The following TMEM71 variants were observed in gnomAD, a reference collection of about 807,000 sequenced individuals.
TMEM71 encodes the protein transmembrane protein 71.
In TMEM71, 44 loss-of-function variants were observed where a neutral mutation model predicts 38.0. The ratio of observed to expected loss-of-function variants is 1.16; its 90% CI spans 0.91 to 1.49. The LOEUF (loss-of-function observed/expected upper bound fraction) is 1.49. Ranked by LOEUF, TMEM71 falls within the 40% of genes most tolerant of loss-of-function variation. The probability of loss-of-function intolerance (pLI) is 0.00; values close to 1 mark genes in which losing one functional copy is unlikely to be tolerated. For synonymous variants in TMEM71, 133 were observed against 122.5 expected, an observed-to-expected ratio of 1.09 and a Z score of -0.56; for missense variants, 367 against 348.6, an observed-to-expected ratio of 1.05 and a Z score of -0.42.
intron 6 of TMEM71, among the ~76,000 whole-genome samples, chr8:132,726,765 T>C (rs1827163706): frequency 1.3e-5 from 2 of 152,158 alleles, no homozygotes; most frequent in African/African-American, 4.8e-5. Flanking sequence ...TGCCAGAAAA[T>C]ACCAATGCCT....
intron 5 of TMEM71, among the ~76,000 whole-genome samples, chr8:132,734,174 ACG>A (rs1827617158): frequency 1.3e-5 from 2 of 151,818 alleles, no homozygotes; most frequent in African/African-American, 4.9e-5. Flanking sequence ...ACACACACAC[ACG>A]CATACACATA....
chr8:132,768,492 A>G, the TMEM71 span, among the ~76,000 whole-genome samples: 43,808 of 152,036 alleles, frequency 0.29, 7,248 homozygotes, highest in South Asian at 0.46. Flanking sequence ...CTGTCCCTCA[A>G]AAATGCTATA....
intron 5 of TMEM71, among the ~76,000 whole-genome samples, chr8:132,731,790 C>A (rs1827469976): frequency 6.6e-6 from 1 of 152,200 alleles, no homozygotes; most frequent in Non-Finnish European, 1.5e-5. Context: ...TCAAGGGGAA[C>A]AAGCAGGGGA....
chr8:132,773,255 C>A, the TMEM71 span, among the ~76,000 whole-genome samples: 1 of 152,168 alleles, frequency 6.6e-6, no homozygotes, highest in Admixed American at 6.5e-5. Context: ...ATACCATCCT[C>A]CATTTCCAAA....
chr8:132,755,871 G>A (rs1398696261), intron 3 of TMEM71, among the ~76,000 whole-genome samples: 2 of 151,980 alleles, frequency 1.3e-5, no homozygotes, highest in East Asian at 1.9e-4. Context: ...TCATCATATA[G>A]CAGGAAAAAA....
intron 5 of TMEM71, among the ~76,000 whole-genome samples, chr8:132,741,551 G>A (rs1052021226): frequency 1.0e-4 from 15 of 146,268 alleles, no homozygotes; most frequent in African/African-American, 3.8e-4. Context: ...GTAAGGTCAC[G>A]TGGGTCACGT....
At chr8:132,756,930 A>T (rs192307322) in intron 3 of TMEM71, among the ~76,000 whole-genome samples, 1 of 151,756 alleles carries the variant, frequency 6.6e-6, no homozygotes, top group Non-Finnish European at 1.5e-5. Flanking sequence ...TCTGTCGCCC[A>T]GGTTGGAGGG....
chr8:132,710,826 A>T lies in TMEM71; in HGVS notation c.*141T>A. The T allele has an allele frequency of 1.3e-6, 1 of 746,322 alleles. No homozygotes were observed. The highest frequency in any genetic ancestry group is 2.4e-6 in the Non-Finnish European group (1 of 421,096). 46.2% of individuals were successfully genotyped at this position (746,322 alleles called of 1,614,324 possible). On this transcript the variant is annotated 3_prime_UTR_variant, in exon 10 of 10. Transcript: ENST00000677595. ...AAAACTGAGATCATTTTAAAATCAC[A>T]TAGTCAAACTAAAATGGCTTTTTCT...
At chr8:132,723,883 G>A (rs962466052) in intron 6 of TMEM71, among the ~76,000 whole-genome samples, 21 of 152,144 alleles carry the variant, frequency 1.4e-4, no homozygotes, top group African/African-American at 4.8e-4. Flanking sequence ...TTCCCTAAGT[G>A]TCAGCCAGTC....
rs199912655 is a variant in TMEM71, at chr8:132,714,147, T to C, written c.814+7A>G. ...TCATTGCAGTAATCTGGGAAACAGT[T>C]ACTTACAAGCTACAGTTATCATCAA... On this transcript the variant is annotated splice_region_variant and intron_variant, in intron 8 of 9. Coordinates refer to ENST00000677595, the MANE Select transcript of TMEM71 (RefSeq NM_001382403.1). The C allele has an allele frequency of 1.7e-4, 282 of 1,612,512 alleles. No individual in the cohort carries two copies. The highest frequency in any genetic ancestry group is 2.3e-4 in the Non-Finnish European group (272 of 1,178,806).
intron 5 of TMEM71, among the ~76,000 whole-genome samples, chr8:132,730,912 C>T (rs1026843564): frequency 6.6e-6 from 1 of 151,680 alleles, no homozygotes; most frequent in Non-Finnish European, 1.5e-5. Context: ...TGTGTGTGTG[C>T]ATGTACACAT....
At chr8:132,768,559 C>A in the TMEM71 span, among the ~76,000 whole-genome samples, 1 of 151,598 alleles carries the variant, frequency 6.6e-6, no homozygotes, top group African/African-American at 2.4e-5. Flanking sequence ...TTTTTGAAGA[C>A]AACATAGTTA....
intron 7 of TMEM71, among the ~76,000 whole-genome samples, chr8:132,721,441 G>A (rs139079516): frequency 1.1e-3 from 160 of 152,078 alleles, no homozygotes; most frequent in South Asian, 3.9e-3. Context: ...TCTGTTAACA[G>A]GAGCCACTTC....
the TMEM71 span, among the ~76,000 whole-genome samples, chr8:132,773,888 G>A: frequency 4.6e-4 from 70 of 152,176 alleles, 1 homozygote; most frequent in South Asian, 3.3e-3. Context: ...AAACAATCCA[G>A]CACCCAAATC....
rs1489893161 is a variant in TMEM71, at chr8:132,751,777, C to G, written c.314+8G>C. On this transcript the variant is annotated splice_region_variant and intron_variant, in intron 4 of 9. Coordinates refer to ENST00000677595, the MANE Select transcript of TMEM71 (RefSeq NM_001382403.1). ...TTCAGATTTCTTTCTGTAATATGCTCTGCTTACCTAACTAAGTTCTCCTTA... is the reference window on the plus strand; with the variant it reads ...TTCAGATTTCTTTCTGTAATATGCTGTGCTTACCTAACTAAGTTCTCCTTA... The G allele has an allele frequency of 1.2e-6, 2 of 1,611,478 alleles. No homozygotes were observed. Among genetic ancestry groups the G allele is most frequent in the African/African-American group, 1.3e-5 (1 of 74,862 alleles).
chr8:132,775,832 G>C, the TMEM71 span, among the ~76,000 whole-genome samples: 170 of 152,214 alleles, frequency 1.1e-3, no homozygotes, highest in Non-Finnish European at 1.9e-3. Flanking sequence ...CCTGCGGAGG[G>C]CCGGATGGCT....
chr8:132,707,694 AAT>A (rs1343333109), downstream of TMEM71, among the ~76,000 whole-genome samples: 1 of 152,192 alleles, frequency 6.6e-6, no homozygotes, highest in Non-Finnish European at 1.5e-5. Flanking sequence ...AACTGTGAGA[AAT>A]ATGTTTCTTT....
chr8:132,740,623 C>A (rs1355855690), intron 5 of TMEM71, among the ~76,000 whole-genome samples: 2 of 152,180 alleles, frequency 1.3e-5, no homozygotes, highest in Non-Finnish European at 2.9e-5. Context: ...AGTAAAGCCA[C>A]AGATGTGTGG....
chr8:132,712,348 A>C (rs547512197), intron 9 of TMEM71, among the ~76,000 whole-genome samples: 2 of 152,294 alleles, frequency 1.3e-5, no homozygotes, highest in African/African-American at 4.8e-5. Context: ...TATTGTCCTG[A>C]TGTAATTTCT....
Sources: gnomAD v4.1 joint callset for allele counts (sites outside exome capture counted in the v4.1 genomes callset) on GRCh38, gnomAD v4.1.1 for gene constraint, MANE v1.5 for transcripts, NCBI Gene and HGNC (gene_info 2026-07-23, HGNC 2026-07-21) for gene names.